ELMO1: variants seen among roughly 807,000 people sequenced by gnomAD.
The protein encoded by ELMO1 is engulfment and cell motility 1.
Under a neutral mutation model 98.9 loss-of-function variants are expected in ELMO1, and 26 were observed. The observed-to-expected ratio is 0.26, with a 90% CI of 0.19 to 0.36. The LOEUF (loss-of-function observed/expected upper bound fraction) is 0.36, where lower values mean the gene tolerates loss of function less well. ELMO1 is among the 10% of genes least tolerant of loss of function. The pLI is 1.00. For missense variants in ELMO1, 627 were observed against 935.2 expected (o/e 0.67, Z 4.30); for synonymous variants, 346 against 346.0 (o/e 1.00, Z 0.00).
At chr7:37,421,610 C>T (rs1804476396) in intron 1 of ELMO1, among the ~76,000 whole-genome samples, 1 of 152,154 alleles carries the variant, frequency 6.6e-6, no homozygotes, top group Non-Finnish European at 1.5e-5. Flanking sequence ...AACTCCTAAA[C>T]GCCAGGCTGT....
At chr7:36,929,925 G>GA (rs544654903) in intron 16 of ELMO1, among the ~76,000 whole-genome samples, 141 of 152,330 alleles carry the variant, frequency 9.3e-4, no homozygotes, top group Non-Finnish European at 1.5e-3. Flanking sequence ...TTGAGAAAAT[G>GA]AATAGTCTGC....
At chr7:37,321,890 C>T (rs62459347) in intron 2 of ELMO1, among the ~76,000 whole-genome samples, 4,484 of 147,542 alleles carry the variant, frequency 0.03, 104 homozygotes, top group Non-Finnish European at 0.05. Flanking sequence ...CGGAGTCTCC[C>T]GTTGTCGCCC....
intron 15 of ELMO1, among the ~76,000 whole-genome samples, chr7:37,059,644 G>A (rs13239208): frequency 0.083 from 12,648 of 152,234 alleles, 750 homozygotes; most frequent in African/African-American, 0.17. Flanking sequence ...TTAAGGAAAT[G>A]TGGCTTTGAA....
chr7:37,343,994 C>T (rs1254779319), intron 1 of ELMO1, among the ~76,000 whole-genome samples: 1 of 150,658 alleles, frequency 6.6e-6, no homozygotes, highest in Non-Finnish European at 1.5e-5. Context: ...TACAAAAATA[C>T]ATTATTACAT....
intron 1 of ELMO1, among the ~76,000 whole-genome samples, chr7:37,433,209 T>C (rs1274614609): frequency 2.0e-5 from 3 of 152,200 alleles, no homozygotes; most frequent in African/African-American, 7.2e-5. Context: ...TTTAAAGGAC[T>C]GTTAAAAGGA....
At chr7:37,133,103 A>G (rs1392907422) in intron 14 of ELMO1, 27 bp downstream of exon 14, 3 of 1,570,612 alleles carry the variant, frequency 1.9e-6, no homozygotes, top group East Asian at 2.3e-5. Flanking sequence ...GAAACACACA[A>G]TATCTGAAAA....
intron 1 of ELMO1, among the ~76,000 whole-genome samples, chr7:37,354,734 G>A (rs1200263968): frequency 6.6e-6 from 1 of 152,198 alleles, no homozygotes; most frequent in Admixed American, 6.5e-5. Context: ...ACAGTCCCCA[G>A]TGGAGGAGGC....
At chr7:36,861,832 G>A (rs1205095337) in intron 20 of ELMO1, 96 bp from the exon 21 acceptor site, 4 of 1,180,976 alleles carry the variant, frequency 3.4e-6, no homozygotes, top group Non-Finnish European at 5.1e-6. Context: ...CATAGGGCCA[G>A]CTTGTCTAGC....
intron 16 of ELMO1, among the ~76,000 whole-genome samples, chr7:36,913,324 T>A (rs777667700): frequency 4.1e-4 from 63 of 152,186 alleles, no homozygotes; most frequent in Non-Finnish European, 8.1e-4. Flanking sequence ...AGGAGAGGAA[T>A]GTCAACAAGG....
intron 13 of ELMO1, among the ~76,000 whole-genome samples, chr7:37,149,300 G>A (rs930764597): frequency 6.6e-6 from 1 of 152,220 alleles, no homozygotes; most frequent in African/African-American, 2.4e-5. Flanking sequence ...GCAGAAGGAT[G>A]TAGATGGTGA....
chr7:37,027,050 A>C (rs1307202740), intron 15 of ELMO1, among the ~76,000 whole-genome samples: 1 of 152,122 alleles, frequency 6.6e-6, no homozygotes, highest in African/African-American at 2.4e-5. Context: ...GTCCTCCTGC[A>C]GCTGGGCCAG....
intron 16 of ELMO1, among the ~76,000 whole-genome samples, chr7:36,943,132 C>A (rs894786370): frequency 6.6e-6 from 1 of 152,222 alleles, no homozygotes; most frequent in African/African-American, 2.4e-5. Context: ...GTTCCCACAT[C>A]TGTACACTGG....
chr7:37,333,709 T>A (rs17199391), intron 2 of ELMO1, among the ~76,000 whole-genome samples: 20,685 of 152,180 alleles, frequency 0.14, 1,516 homozygotes, highest in Non-Finnish European at 0.17. Flanking sequence ...TTAAGAAATA[T>A]CTGTTACATT....
chr7:37,065,738 A>C (rs758532430), intron 15 of ELMO1, among the ~76,000 whole-genome samples: 4 of 152,202 alleles, frequency 2.6e-5, no homozygotes, highest in Non-Finnish European at 4.4e-5. Flanking sequence ...TATTTTGAAA[A>C]TGAAAACGCT....
At chr7:36,881,179 T>C (rs1034689371) in intron 18 of ELMO1, among the ~76,000 whole-genome samples, 6 of 152,204 alleles carry the variant, frequency 3.9e-5, no homozygotes, top group Admixed American at 3.3e-4. Flanking sequence ...TCTTGACTCA[T>C]AATCAAATGG....
chr7:37,312,467 GAAA>G (rs1198350182), intron 4 of ELMO1, among the ~76,000 whole-genome samples: 1 of 152,174 alleles, frequency 6.6e-6, no homozygotes, highest in Non-Finnish European at 1.5e-5. Flanking sequence ...CAACTCTTTA[GAAA>G]ATAGGCCCCA....
chr7:36,956,270 C>T (rs1316101163), intron 16 of ELMO1, among the ~76,000 whole-genome samples: 1 of 152,164 alleles, frequency 6.6e-6, no homozygotes, highest in Non-Finnish European at 1.5e-5. Context: ...GGGACTACAG[C>T]CTTCCTTATG....
intron 13 of ELMO1, among the ~76,000 whole-genome samples, chr7:37,165,799 T>C (rs1225378691): frequency 1.3e-5 from 2 of 152,194 alleles, no homozygotes; most frequent in Non-Finnish European, 2.9e-5. Flanking sequence ...TAAAATTCTC[T>C]TTTTTGGTTC....
At chr7:37,418,768 C>T (rs1583725194) in intron 1 of ELMO1, among the ~76,000 whole-genome samples, 1 of 152,104 alleles carries the variant, frequency 6.6e-6, no homozygotes, top group Non-Finnish European at 1.5e-5. Flanking sequence ...AGTCATCTCG[C>T]AGGTATTATA....
Sources: allele counts gnomAD v4.1 joint callset (sites outside exome capture counted in the v4.1 genomes callset), GRCh38; gene constraint gnomAD v4.1.1; transcripts MANE v1.5; gene names NCBI Gene and HGNC (gene_info 2026-07-23, HGNC 2026-07-21).